The following C12orf42 variants were observed in gnomAD, a reference collection of about 807,000 sequenced individuals.
C12orf42 encodes chromosome 12 open reading frame 42, also known as uncharacterized protein C12orf42.
In C12orf42, 25 loss-of-function variants were observed where a neutral mutation model predicts 21.6. The observed-to-expected ratio is 1.16, with a 90% CI of 0.84 to 1.62. The LOEUF (loss-of-function observed/expected upper bound fraction) is 1.62, where lower values mean the gene tolerates loss of function less well. Ranked by LOEUF, C12orf42 falls within the 40% of genes most tolerant of loss-of-function variation. The probability of loss-of-function intolerance (pLI) is 0.00; values close to 1 mark genes in which losing one functional copy is unlikely to be tolerated. For missense variants in C12orf42, 483 were observed against 459.3 expected (o/e 1.05, Z -0.47); for synonymous variants, 174 against 175.0 (o/e 0.99, Z 0.05).
intron 1 of C12orf42, among the ~76,000 whole-genome samples, chr12:103,481,292 G>A (rs972472155): frequency 3.3e-5 from 5 of 151,800 alleles, no homozygotes; most frequent in African/African-American, 1.2e-4. Context: ...AATATTTTTA[G>A]TTACTCTGTT....
At chr12:103,406,431 C>T (rs1167502954) in intron 2 of C12orf42, among the ~76,000 whole-genome samples, 1 of 152,114 alleles carries the variant, frequency 6.6e-6, no homozygotes, top group East Asian at 1.9e-4. Flanking sequence ...TGTAATAGAT[C>T]AGAAATTAAG....
intron 10 of C12orf42, among the ~76,000 whole-genome samples, chr12:103,256,525 A>G (rs1028563935): frequency 1.3e-5 from 2 of 152,092 alleles, no homozygotes; most frequent in Non-Finnish European, 2.9e-5. Flanking sequence ...GGATCCCCGT[A>G]ATAGCCAACA....
the C12orf42 span, among the ~76,000 whole-genome samples, chr12:103,103,193 G>C: frequency 6.6e-6 from 1 of 152,162 alleles, no homozygotes; most frequent in Admixed American, 6.5e-5. Flanking sequence ...CTCAAGCATA[G>C]GGGATTACAC....
the C12orf42 span, among the ~76,000 whole-genome samples, chr12:103,560,249 T>A: frequency 2.4e-5 from 2 of 83,920 alleles, no homozygotes; most frequent in African/African-American, 3.9e-5. Flanking sequence ...CAATTCTGGA[T>A]TTCTAAATGC....
chr12:103,144,151 A>C, the C12orf42 span, among the ~76,000 whole-genome samples: 3 of 152,228 alleles, frequency 2.0e-5, no homozygotes, highest in African/African-American at 7.2e-5. Context: ...TCTTAGTTAA[A>C]GAGTCTTGGA....
At chr12:103,461,569 T>C (rs1952702647) in intron 2 of C12orf42, among the ~76,000 whole-genome samples, 1 of 152,196 alleles carries the variant, frequency 6.6e-6, no homozygotes, top group Non-Finnish European at 1.5e-5. Flanking sequence ...TTTATACTTA[T>C]GGAACTGGAA....
At chr12:103,158,890 AT>A in the C12orf42 span, among the ~76,000 whole-genome samples, 6 of 143,896 alleles carry the variant, frequency 4.2e-5, no homozygotes, top group Admixed American at 4.2e-4. Context: ...AAAAAAAAAA[AT>A]GGATTGATAG....
the C12orf42 span, among the ~76,000 whole-genome samples, chr12:103,145,684 C>T: frequency 9.9e-5 from 15 of 152,138 alleles, 1 homozygote; most frequent in East Asian, 2.9e-3. Context: ...ATGTTTATTA[C>T]AACATTGTAT....
chr12:103,314,396 G>A (rs1436463756), intron 4 of C12orf42, among the ~76,000 whole-genome samples: 2 of 152,186 alleles, frequency 1.3e-5, no homozygotes, highest in Non-Finnish European at 2.9e-5. Context: ...AATCCAAATA[G>A]TCAAACAAGG....
At chr12:103,446,858 T>TA (rs1951608348) in intron 2 of C12orf42, among the ~76,000 whole-genome samples, 1 of 151,934 alleles carries the variant, frequency 6.6e-6, no homozygotes, top group Non-Finnish European at 1.5e-5. Flanking sequence ...CCTAAATTTA[T>TA]AAAACAATTA....
intron 4 of C12orf42, among the ~76,000 whole-genome samples, chr12:103,286,296 A>T (rs1169315194): frequency 6.6e-6 from 1 of 150,422 alleles, no homozygotes; most frequent in Non-Finnish European, 1.5e-5. Flanking sequence ...AAATAAATAA[A>T]GTAAAAATAA....
chr12:103,132,921 A>G, the C12orf42 span, among the ~76,000 whole-genome samples: 1 of 152,252 alleles, frequency 6.6e-6, no homozygotes, highest in Non-Finnish European at 1.5e-5. Flanking sequence ...TGCTACTGCC[A>G]CTACCTAAGC....
At chr12:103,113,134 A>G in the C12orf42 span, among the ~76,000 whole-genome samples, 1 of 151,610 alleles carries the variant, frequency 6.6e-6, no homozygotes, top group Admixed American at 6.6e-5. Context: ...ACTTGTGGAG[A>G]TGGTGAAATT....
the C12orf42 span, among the ~76,000 whole-genome samples, chr12:103,181,176 C>A: frequency 6.6e-6 from 1 of 151,908 alleles, no homozygotes; most frequent in Admixed American, 6.6e-5. Context: ...GCAGGAGAAT[C>A]ATTTGAACCC....
chr12:103,391,228 G>T (rs1397940559), intron 3 of C12orf42, among the ~76,000 whole-genome samples: 1 of 151,990 alleles, frequency 6.6e-6, no homozygotes, highest in Non-Finnish European at 1.5e-5. Context: ...TAGCCATTGT[G>T]AATAATGCTG....
At chr12:103,059,808 C>T in the C12orf42 span, among the ~76,000 whole-genome samples, 2 of 152,150 alleles carry the variant, frequency 1.3e-5, no homozygotes, top group South Asian at 4.1e-4. Context: ...TCTCAATAAA[C>T]TAGATACTGA....
At chr12:103,058,994 GAT>G in the C12orf42 span, among the ~76,000 whole-genome samples, 7 of 152,158 alleles carry the variant, frequency 4.6e-5, no homozygotes, top group Middle Eastern at 3.4e-3. Context: ...AACTGAAGGA[GAT>G]AGAGACATGA....
chr12:103,201,397 G>C, the C12orf42 span, among the ~76,000 whole-genome samples: 1 of 152,080 alleles, frequency 6.6e-6, no homozygotes, highest in Non-Finnish European at 1.5e-5. Context: ...GCTGGGCATT[G>C]TCGGATATCC....
chr12:103,073,443 C>A, the C12orf42 span, among the ~76,000 whole-genome samples: 1 of 152,226 alleles, frequency 6.6e-6, no homozygotes, highest in African/African-American at 2.4e-5. Flanking sequence ...ACCATACATT[C>A]TGTGAAATAA....
Sources: gnomAD v4.1 joint callset for allele counts (sites outside exome capture counted in the v4.1 genomes callset) on GRCh38, gnomAD v4.1.1 for gene constraint, MANE v1.5 for transcripts, NCBI Gene and HGNC (gene_info 2026-07-23, HGNC 2026-07-21) for gene names.